The following MTA2 variants were observed in gnomAD, a reference collection of about 807,000 sequenced individuals.
The protein encoded by MTA2 is metastasis associated 1 family member 2.
Under a neutral mutation model 87.1 loss-of-function variants are expected in MTA2, and 22 were observed. The ratio of observed to expected loss-of-function variants is 0.25; its 90% confidence interval spans 0.18 to 0.36. MTA2 has a LOEUF of 0.36. MTA2 is among the 10% of genes least tolerant of loss of function. MTA2 has a pLI of 1.00. For synonymous variants in MTA2, 314 were observed against 310.1 expected (o/e 1.01, Z -0.13); for missense variants, 542 against 853.2 (o/e 0.64, Z 4.54).
At chr11:62,600,726 A>C in intron 1 of MTA2, 37 bp from the exon 2 acceptor site, 2 of 1,588,440 alleles carry the variant, frequency 1.3e-6, no homozygotes, top group Non-Finnish European at 1.7e-6. Flanking sequence ...CACGAAGATC[A>C]GAGGAGATGG....
At position 62,593,899 on chromosome 11, in the gene MTA2, A is replaced by G; in HGVS notation, c.1983T>C (p.Asn661=). The part of the protein sequence containing the change: ...LPAPSHPAST[N]EPIVLED ...CTCAGTCCTCCAGGACAATAGGCTC[A>G]TTGGTGCTGGCAGGATGTGAGGGTG... The change falls in exon 18 of 18, where the codon AAT becomes AAC. Residue 661 remains asparagine (N), a synonymous_variant. Coordinates refer to ENST00000278823, the MANE Select transcript of MTA2 (RefSeq NM_004739.4). 3 of 1,614,116 alleles carry G rather than the reference A, an allele frequency of 1.9e-6. No individual in the cohort carries two copies. Among genetic ancestry groups the G allele is most frequent in the Non-Finnish European group, 2.5e-6 (3 of 1,180,024 alleles).
intron 6 of MTA2, 47 bp downstream of exon 6, chr11:62,597,977 T>C (rs754586460): frequency 6.6e-7 from 1 of 1,525,686 alleles, no homozygotes; most frequent in Non-Finnish European, 9.1e-7. Context: ...AAGTGCCCCT[T>C]GGAATTAGAC....
At position 62,593,806 on chromosome 11, in the gene MTA2, G is replaced by A. The variant is rs1357103835; in HGVS notation, c.*69C>T. ...TCCTCACTCCCTTCGACACGAAAGG[G>A]AAGGGAGGTTTGGGTGCCCTGGGCA... is the stretch of plus-strand genomic sequence containing the variant. On this transcript the variant is annotated 3_prime_UTR_variant, in exon 18 of 18. Transcript: ENST00000278823. 8.8e-6 allele frequency: 14 copies of A among 1,584,464 alleles called. No individual in the cohort carries two copies. The highest frequency in any genetic ancestry group is 1.9e-4 in the Middle Eastern group (1 of 5,380).
In MTA2 at chr11:62,595,510, G is replaced by A; in HGVS notation, c.1255-18C>T. On this transcript the variant is annotated intron_variant, in intron 13 of 17. Coordinates refer to ENST00000278823, the MANE Select transcript of MTA2 (RefSeq NM_004739.4). The surrounding 1 kb of genome is among the most constrained non-coding windows in gnomAD (Gnocchi z 4.9). ...TGTGGCTCCTAGAAGAAGAGCATAG[G>A]AAAGAGAGAGAGCAGAAATCAGCAC... 6.2e-7 allele frequency: 1 copy of A among 1,612,494 alleles called. No homozygotes were observed. Among genetic ancestry groups the A allele is most frequent in the Non-Finnish European group, 8.5e-7 (1 of 1,178,718 alleles).
rs1179137424 is a variant in MTA2, at chr11:62,595,157, T to C, written c.1484-87A>G. ...AAGCCAACTCTAATCTTAAAAAAAT[T>C]ATCTGTGGCCTACTATCCCTCCTGT... On this transcript the variant is annotated intron_variant, in intron 14 of 17. Transcript: ENST00000278823. This position sits in a 1 kb window ranked among gnomAD's most constrained non-coding sequence, Gnocchi z 4.9. The C allele has an allele frequency of 1.2e-5, 18 of 1,546,558 alleles. No homozygotes were observed. Among genetic ancestry groups the C allele is most frequent in the Non-Finnish European group, 1.6e-5 (18 of 1,127,626 alleles).
chr11:62,594,785 AAT>A, intron 15 of MTA2, 151 bp from the exon 16 acceptor site: 1 of 868,784 alleles, frequency 1.2e-6, no homozygotes, highest in Non-Finnish European at 1.8e-6. Flanking sequence ...TAGTATTTCA[AAT>A]ATCAGTATGA....
At chr11:62,601,171 C>G (rs1389145227) in intron 1 of MTA2, 5 of 549,748 alleles carry the variant, frequency 9.1e-6, no homozygotes, top group African/African-American at 6.1e-5. Flanking sequence ...CACTCCGTGC[C>G]CCGGGGAGCC....
In MTA2 at chr11:62,597,651, A is replaced by T; in HGVS notation, c.552T>A (p.Pro184=). The T allele has an allele frequency of 1.9e-6, 3 of 1,614,118 alleles. No homozygotes were observed. The highest frequency in any genetic ancestry group is 2.5e-6 in the Non-Finnish European group (3 of 1,180,016). Residue 184 remains proline, a synonymous_variant, in exon 7 of 18, where the codon CCT becomes CCA. Transcript: ENST00000278823. The part of the protein sequence containing the change: ...MEMKVWDPDN[P]LTDRQIDQFL... ...ACTGGTCGATCTGCCGGTCTGTGAG[A>T]GGGTTGTCTGGGTCCCAGACCTTCA...
At chr11:62,597,229 C>G in intron 8 of MTA2, 87 bp downstream of exon 8, 1 of 916,046 alleles carries the variant, frequency 1.1e-6, no homozygotes, top group Non-Finnish European at 1.7e-6. Flanking sequence ...CTCCCACTCC[C>G]TCAGAGATAC....
chr11:62,601,390 C>A (rs747881607), intron 1 of MTA2, 33 bp downstream of exon 1: 3 of 1,608,558 alleles, frequency 1.9e-6, no homozygotes, highest in East Asian at 2.3e-5. Context: ...CCTCTCCCGC[C>A]CCGGGCCCCG....
At chr11:62,596,184 G>GC in intron 11 of MTA2, 77 bp from the exon 12 acceptor site, 1 of 1,591,680 alleles carries the variant, frequency 6.3e-7, no homozygotes, top group Non-Finnish European at 8.6e-7. Context: ...CTCTCAGTGT[G>GC]CCCCTACCTC....
rs757713709 is a variant in MTA2, at chr11:62,596,351, AAAAG to A, written c.958-18_958-15del. The A allele has an allele frequency of 9.0e-5, 145 of 1,613,650 alleles. No individual in the cohort carries two copies. In the African/African-American group the frequency reaches 1.7e-3, roughly 19 times the overall value. ...TTTCAACCTTTTCTGTAAGAAGGTA[AAAAG>A]AAAGAGAAGGATCAGAGCCTCATAG... On this transcript the variant is annotated splice_polypyrimidine_tract_variant and intron_variant, in intron 10 of 17. Coordinates refer to ENST00000278823, the MANE Select transcript of MTA2 (RefSeq NM_004739.4).
At position 62,596,442 on chromosome 11, in the gene MTA2, C is replaced by T. The variant is rs760811746; in HGVS notation, c.957+16G>A. The T allele has an allele frequency of 1.2e-6, 2 of 1,613,684 alleles. No homozygotes were observed. Among genetic ancestry groups the T allele is most frequent in the Non-Finnish European group, 1.7e-6 (2 of 1,179,740 alleles). ...GCAGGTAGCCTATGGTCCACCCTCC[C>T]CAGCCCAGATAATACCTGCTGAATA... On this transcript the variant is annotated intron_variant, in intron 10 of 17. Coordinates refer to ENST00000278823, the MANE Select transcript of MTA2 (RefSeq NM_004739.4).
chr11:62,599,674 G>C (rs1219144352), intron 3 of MTA2, among the ~76,000 whole-genome samples: 2 of 151,888 alleles, frequency 1.3e-5, no homozygotes, highest in East Asian at 1.9e-4. Flanking sequence ...TAAAATGGAG[G>C]GGGGCGGGCG....
chr11:62,594,585 C>G lies in MTA2; in HGVS notation c.1623G>C (p.Pro541=). 6.2e-7 allele frequency: 1 copy of G among 1,614,096 alleles called. No individual in the cohort carries two copies. Among genetic ancestry groups the G allele is most frequent in the Non-Finnish European group, 8.5e-7 (1 of 1,180,020 alleles). The change falls in exon 16 of 18, where the codon CCG becomes CCC. Residue 541 remains proline (P), a synonymous_variant. Coordinates refer to ENST00000278823, the MANE Select transcript of MTA2 (RefSeq NM_004739.4). Reference sequence around the variant, plus strand: ...TCTGGGACAGCTGGTTTCTGTTGATCGGTGTCTTGGTACCCCGAGGTGTTT... The same window carrying G: ...TCTGGGACAGCTGGTTTCTGTTGATGGGTGTCTTGGTACCCCGAGGTGTTT... The part of the protein sequence containing the change: ...KPKTPRGTKT[P]INRNQLSQNR...
At chr11:62,594,682 C>A in intron 15 of MTA2, 48 bp from the exon 16 acceptor site, 1 of 1,530,574 alleles carries the variant, frequency 6.5e-7, no homozygotes, top group South Asian at 1.1e-5. Flanking sequence ...CACGCAGTTC[C>A]CCTTTGTTAC....
rs933996104 is a variant in MTA2, at chr11:62,598,676, G to A, written c.191-37C>T. The A allele has an allele frequency of 5.7e-6, 9 of 1,573,386 alleles. No homozygotes were observed. The African/African-American group carries it at 1.2e-4, about 21-fold the overall frequency. ...AAGAGGAAGAAACCAAGTCAGAAAT[G>A]GATCCAGCAAAACACCACCCTGGAA... On this transcript the variant is annotated intron_variant, in intron 3 of 17. Coordinates refer to ENST00000278823, the MANE Select transcript of MTA2 (RefSeq NM_004739.4).
At chr11:62,597,474 G>A in intron 7 of MTA2, 59 bp from the exon 8 acceptor site, 1 of 1,550,640 alleles carries the variant, frequency 6.4e-7, no homozygotes. Flanking sequence ...AAGTGGGCTG[G>A]GAAATTAAGC....
In MTA2 at chr11:62,594,413, A is replaced by G; in HGVS notation, c.1693-6T>C. ...GGAACCCCTGCCCCTGCCATCTGGA[A>G]AAGGGGTAGGATGGCACAATGAGGG... On this transcript the variant is annotated splice_region_variant and splice_polypyrimidine_tract_variant and intron_variant, in intron 16 of 17. Transcript: ENST00000278823. The G allele has an allele frequency of 6.2e-7, 1 of 1,614,134 alleles. No homozygotes were observed.
Sources: allele counts gnomAD v4.1 joint callset (sites outside exome capture counted in the v4.1 genomes callset), GRCh38; gene constraint gnomAD v4.1.1; non-coding constraint Gnocchi (gnomAD v3.1); transcripts MANE v1.5; gene names NCBI Gene and HGNC (gene_info 2026-07-23, HGNC 2026-07-21).